APBB1: variants seen among roughly 807,000 people sequenced by gnomAD.
APBB1 encodes amyloid beta precursor protein binding family B member 1.
In APBB1, 22 loss-of-function variants were observed where a neutral mutation model predicts 78.4. That is an observed-to-expected ratio of 0.28 (90% CI 0.20 to 0.40). The LOEUF (loss-of-function observed/expected upper bound fraction) is 0.40. Ranked by LOEUF, APBB1 falls within the 10% of genes least tolerant of loss-of-function variation. APBB1 has a pLI of 1.00. For missense variants in APBB1, 749 were observed against 932.4 expected, an observed-to-expected ratio of 0.80 and a Z score of 2.56; for synonymous variants, 369 against 372.7, an observed-to-expected ratio of 0.99 and a Z score of 0.12.
At chr11:6,407,828 G>T (rs1228330762) in intron 2 of APBB1, among the ~76,000 whole-genome samples, 2 of 149,560 alleles carry the variant, frequency 1.3e-5, no homozygotes, top group African/African-American at 5.0e-5. Flanking sequence ...GCCGGACTGC[G>T]GACTGCAGTG....
chr11:6,402,314 C>G (rs1286072119), intron 7 of APBB1, 105 bp from the exon 8 acceptor site: 9 of 1,521,248 alleles, frequency 5.9e-6, no homozygotes, highest in African/African-American at 1.4e-5. Flanking sequence ...GGGGCCCCTG[C>G]TTTGGTGTCA....
At chr11:6,409,732 A>G (rs1848911381) in intron 2 of APBB1, among the ~76,000 whole-genome samples, 1 of 148,448 alleles carries the variant, frequency 6.7e-6, no homozygotes, top group South Asian at 2.1e-4. Flanking sequence ...GGTTGTAACT[A>G]TAGCCCATTA....
chr11:6,416,747 T>TTG (rs921914046), intron 1 of APBB1, among the ~76,000 whole-genome samples: 1 of 146,380 alleles, frequency 6.8e-6, no homozygotes, highest in African/African-American at 2.5e-5. Flanking sequence ...AAAATTCCCT[T>TTG]TTTTTTTTTT....
In APBB1 at chr11:6,401,629, C is replaced by T. The variant is rs765361536; in HGVS notation, c.1448G>A (p.Arg483His). 36 of 1,614,046 alleles carry T rather than the reference C, an allele frequency of 2.2e-5. No homozygotes were observed. Among genetic ancestry groups the T allele is most frequent in the Non-Finnish European group, 2.9e-5 (34 of 1,180,032 alleles). The change falls in exon 10 of 15, where the codon CGC (arginine) becomes CAC (histidine). Residue 483 changes from arginine (R) to histidine (H), a missense_variant. Physicochemically the swap from Arg to His is conservative, Grantham distance 29. Around this residue, in one of 3 missense-constraint regions of APBB1, gnomAD observed 635 missense variants for 765.0 expected, o/e 0.83. Transcript: ENST00000609360. This position sits in a 1 kb window ranked among gnomAD's most constrained non-coding sequence, Gnocchi z 4.5. ...LTQMLKCHVF[R>H]CEAPAKNIAT... ...GATGTTCTTGGCAGGTGCCTCACAG[C>T]GAAACACGTGGCACTTGAGCATCTG...
chr11:6,406,935 C>G (rs1382455775), intron 2 of APBB1, among the ~76,000 whole-genome samples: 1 of 152,182 alleles, frequency 6.6e-6, no homozygotes, highest in Non-Finnish European at 1.5e-5. Context: ...AACATCTTTG[C>G]CCCATAGTAT....
chr11:6,407,558 G>T (rs1294399896), intron 2 of APBB1, among the ~76,000 whole-genome samples: 1 of 152,170 alleles, frequency 6.6e-6, no homozygotes. Context: ...TGTTGTTAAC[G>T]TTTAGAAATT....
Position 6,395,593 on chromosome 11 carries a change from C to T in APBB1, c.2074G>A (p.Gly692Ser), listed in dbSNP as rs1471220617. Reference protein sequence around the residue: ...ARRVGWTVRRGVQSLWGSLKP... With the variant: ...ARRVGWTVRRSVQSLWGSLKP... ...AGGGAGCCCCACAGCGACTGAACACCCCTGCGGACAGTCCACCCTACACGC... is the reference window on the plus strand; with the variant it reads ...AGGGAGCCCCACAGCGACTGAACACTCCTGCGGACAGTCCACCCTACACGC... The change falls in exon 15 of 15, where the codon GGT becomes AGT. Residue 692 changes from glycine to serine, a missense_variant. Transcript: ENST00000609360. The surrounding 1 kb of genome is among the most constrained non-coding windows in gnomAD (Gnocchi z 5.2). 1 of 1,591,262 alleles carries T rather than the reference C, an allele frequency of 6.3e-7. No homozygotes were observed. Among genetic ancestry groups the T allele is most frequent in the African/African-American group, 1.3e-5 (1 of 74,172 alleles).
In APBB1 at chr11:6,401,576, T is replaced by C. The variant is rs777019469; in HGVS notation, c.1501A>G (p.Lys501Glu). 6.8e-6 allele frequency: 11 copies of C among 1,614,102 alleles called. No individual in the cohort carries two copies. Among genetic ancestry groups the C allele is most frequent in the Non-Finnish European group, 9.3e-6 (11 of 1,180,016 alleles). ...IATSLHEICSKIMAERRNARC... is the reference protein window; with the variant it reads ...IATSLHEICSEIMAERRNARC... ...CCAGGGAGTGGAGGGGGCCGTGCCTTAGAGCAGATCTCATGCAGGCTGGTG... is the reference window on the plus strand; with the variant it reads ...CCAGGGAGTGGAGGGGGCCGTGCCTCAGAGCAGATCTCATGCAGGCTGGTG... Residue 501 changes from lysine (K) to glutamate (E), a missense_variant and splice_region_variant, in exon 10 of 15, where the codon AAG becomes GAG. By Grantham distance (56) the Lys-to-Glu change is moderately conservative. Coordinates refer to ENST00000609360, the MANE Select transcript of APBB1 (RefSeq NM_001164.5). The surrounding 1 kb of genome is among the most constrained non-coding windows in gnomAD (Gnocchi z 4.5).
chr11:6,400,662 C>A (rs546728744), intron 12 of APBB1, among the ~76,000 whole-genome samples: 1 of 151,302 alleles, frequency 6.6e-6, no homozygotes, highest in East Asian at 1.9e-4. Context: ...CAGCTACAGG[C>A]TGCTGTCTGG....
rs776792175 is a variant in APBB1, at chr11:6,395,678, A to G, written c.1989T>C (p.Asp663=). The G allele has an allele frequency of 6.3e-7, 1 of 1,589,696 alleles. No individual in the cohort carries two copies. Among genetic ancestry groups the G allele is most frequent in the Non-Finnish European group, 8.6e-7 (1 of 1,167,310 alleles). The change falls in exon 15 of 15, where the codon GAT becomes GAC. Residue 663 remains aspartate (D), a synonymous_variant. Transcript: ENST00000609360. The surrounding 1 kb of genome is among the most constrained non-coding windows in gnomAD (Gnocchi z 5.2). ...ACMLRYQKCL[D]ARSQASTSCL... is the part of the protein sequence containing the mutation. Reference sequence around the variant, plus strand: ...AGGAGGTGGAGGCCTGGGAACGGGCATCCAGACACTTCTGGTAGCGAAGCT... The same window carrying G: ...AGGAGGTGGAGGCCTGGGAACGGGCGTCCAGACACTTCTGGTAGCGAAGCT...
rs1292368151 is a variant in APBB1 at position 6,395,330 on chromosome 11, CTT to C, written c.*202_*203del. ...AGGGCTGGCCTTGCTTCCTGCTCCT[CTT>C]GTTACCACTCCAGTGTTATCACTTC... On this transcript the variant is annotated 3_prime_UTR_variant, in exon 15 of 15. Coordinates refer to ENST00000609360, the MANE Select transcript of APBB1 (RefSeq NM_001164.5). The surrounding 1 kb of genome is among the most constrained non-coding windows in gnomAD (Gnocchi z 5.2). The C allele has an allele frequency of 8.0e-6, 4 of 498,960 alleles. No homozygotes were observed. Among genetic ancestry groups the C allele is most frequent in the African/African-American group, 5.9e-5 (3 of 50,668 alleles). The allele number at this position is 498,960 out of a possible 1,614,324, so 30.9% of individuals were successfully genotyped here.
At chr11:6,396,801 G>GGTCAC (rs1848254800) in intron 12 of APBB1, among the ~76,000 whole-genome samples, 1 of 152,164 alleles carries the variant, frequency 6.6e-6, no homozygotes, top group Non-Finnish European at 1.5e-5. Context: ...GAGGAATGGG[G>GGTCAC]ACCTGAGCTC....
At position 6,403,130 on chromosome 11, in the gene APBB1, C is replaced by T. The variant is rs772357120; in HGVS notation, c.1104+15G>A. 23 of 1,601,218 alleles carry T rather than the reference C, an allele frequency of 1.4e-5. No individual in the cohort carries two copies. Among genetic ancestry groups the T allele is most frequent in the Middle Eastern group, 1.7e-4 (1 of 6,006 alleles). The stretch of plus-strand genomic sequence containing the variant: ...AGGGCCCCAGACTCAGAATGGGTGT[C>T]AGTCTTGAACAAACCTTGATCCCTG... On this transcript the variant is annotated intron_variant, in intron 6 of 14. Coordinates refer to ENST00000609360, the MANE Select transcript of APBB1 (RefSeq NM_001164.5). The surrounding 1 kb of genome is among the most constrained non-coding windows in gnomAD (Gnocchi z 5.3).
In APBB1 at chr11:6,401,604, G is replaced by A. The variant is rs1800426; in HGVS notation, c.1473C>T (p.Ile491=). 1,740 of 1,614,160 alleles carry A rather than the reference G, an allele frequency of 1.1e-3. 17 individuals carry two copies. The East Asian group carries it at 0.023, about 21-fold the overall frequency. The change falls in exon 10 of 15, where the codon ATC becomes ATT. Residue 491 remains isoleucine (I), a synonymous_variant. Transcript: ENST00000609360. This position sits in a 1 kb window ranked among gnomAD's most constrained non-coding sequence, Gnocchi z 4.5. ...AGCAGATCTCATGCAGGCTGGTGGC[G>A]ATGTTCTTGGCAGGTGCCTCACAGC... The part of the protein sequence containing the change: ...VFRCEAPAKN[I]ATSLHEICSK...
upstream of APBB1, chr11:6,419,167 G>T (rs1280311217): frequency 8.8e-6 from 3 of 339,368 alleles, no homozygotes; most frequent in African/African-American, 6.5e-5. Flanking sequence ...GGCGGGCGCG[G>T]GAGCGAGCTC....
At chr11:6,417,114 C>T (rs1849139312) in intron 1 of APBB1, among the ~76,000 whole-genome samples, 1 of 152,216 alleles carries the variant, frequency 6.6e-6, no homozygotes, top group African/African-American at 2.4e-5. Context: ...CCTCCCTGCC[C>T]CTGGCTTTGG....
chr11:6,396,248 G>A (rs1286631123), intron 12 of APBB1, 33 bp from the exon 13 acceptor site: 1 of 1,526,686 alleles, frequency 6.6e-7, no homozygotes, highest in African/African-American at 1.4e-5. Flanking sequence ...ACCACTGAGG[G>A]TAGACAGAGG....
rs762315476 is a variant in APBB1 at position 6,401,577 on chromosome 11, A to G, written c.1500T>C (p.Ser500=). ...CAGGGAGTGGAGGGGGCCGTGCCTTAGAGCAGATCTCATGCAGGCTGGTGG... is the reference window on the plus strand; with the variant it reads ...CAGGGAGTGGAGGGGGCCGTGCCTTGGAGCAGATCTCATGCAGGCTGGTGG... ...NIATSLHEIC[S]KIMAERRNAR... The change falls in exon 10 of 15, where the codon TCT becomes TCC. Residue 500 remains serine, a synonymous_variant. Transcript: ENST00000609360. The surrounding 1 kb of genome is among the most constrained non-coding windows in gnomAD (Gnocchi z 4.5). 4 of 1,614,086 alleles carry G rather than the reference A, an allele frequency of 2.5e-6. No homozygotes were observed. The Admixed American group carries it at 6.7e-5, about 27-fold the overall frequency.
intron 2 of APBB1, chr11:6,404,639 G>C (rs1309883470): frequency 1.3e-6 from 2 of 1,536,250 alleles, no homozygotes; most frequent in Non-Finnish European, 1.7e-6. Flanking sequence ...TTGTCTGCCG[G>C]CAGAGCCACA....
Sources: gnomAD v4.1 joint callset for allele counts (sites outside exome capture counted in the v4.1 genomes callset) on GRCh38, gnomAD v4.1.1 for gene constraint, gnomAD v4.1.1 regional missense constraint, Gnocchi (gnomAD v3.1) non-coding constraint, MANE v1.5 for transcripts, NCBI Gene and HGNC (gene_info 2026-07-23, HGNC 2026-07-21) for gene names.